ASIC2: variants seen among roughly 807,000 people sequenced by gnomAD.
The protein encoded by ASIC2 is acid sensing ion channel subunit 2, also known as acid-sensing ion channel 2.
A neutral mutation model predicts 57.3 loss-of-function variants in ASIC2; 25 were observed. That is an observed-to-expected ratio of 0.44 (90% confidence interval 0.32 to 0.61). The LOEUF (loss-of-function observed/expected upper bound fraction) is 0.61, where lower values mean the gene tolerates loss of function less well. Ranked by LOEUF, ASIC2 falls within the 20% of genes least tolerant of loss-of-function variation. ASIC2 has a pLI of 0.06. For missense variants in ASIC2, 641 were observed against 738.1 expected (o/e 0.87, Z 1.52); for synonymous variants, 319 against 307.5 (o/e 1.04, Z -0.39).
chr17:33,305,034 C>G (rs1906112187), intron 1 of ASIC2, among the ~76,000 whole-genome samples: 2 of 152,074 alleles, frequency 1.3e-5, no homozygotes, highest in Admixed American at 1.3e-4. Flanking sequence ...AAGAAAAATA[C>G]CCTTTGAGGA....
At chr17:33,203,526 C>T (rs1456174373) in intron 1 of ASIC2, among the ~76,000 whole-genome samples, 1 of 152,188 alleles carries the variant, frequency 6.6e-6, no homozygotes, top group African/African-American at 2.4e-5. Context: ...CACTTCTGTC[C>T]TCTTGAAGCG....
At chr17:33,522,231 C>T (rs1914764933) in intron 1 of ASIC2, among the ~76,000 whole-genome samples, 1 of 152,248 alleles carries the variant, frequency 6.6e-6, no homozygotes, top group Admixed American at 6.5e-5. Context: ...ACCTCCAGTC[C>T]TATCTGCTCC....
At chr17:33,456,353 C>T (rs569564940) in intron 1 of ASIC2, among the ~76,000 whole-genome samples, 1 of 152,190 alleles carries the variant, frequency 6.6e-6, no homozygotes, top group African/African-American at 2.4e-5. Flanking sequence ...TCTTCCCTCC[C>T]CACTTCCTCC....
intron 1 of ASIC2, among the ~76,000 whole-genome samples, chr17:33,331,227 C>T (rs1907300480): frequency 6.6e-6 from 1 of 152,186 alleles, no homozygotes; most frequent in African/African-American, 2.4e-5. Flanking sequence ...ACCCTGCCAA[C>T]CCAGTTCATG....
At chr17:33,135,851 C>T (rs2092365029) in intron 1 of ASIC2, among the ~76,000 whole-genome samples, 1 of 152,224 alleles carries the variant, frequency 6.6e-6, no homozygotes. Flanking sequence ...CTCATTTATG[C>T]CTTAAGCTCC....
intron 1 of ASIC2, among the ~76,000 whole-genome samples, chr17:33,548,460 T>C (rs1915647586): frequency 6.6e-6 from 1 of 152,126 alleles, no homozygotes; most frequent in Non-Finnish European, 1.5e-5. Flanking sequence ...GACAAAGTGC[T>C]TCACTCTGCA....
At chr17:33,513,543 G>A (rs2141950672) in intron 1 of ASIC2, among the ~76,000 whole-genome samples, 1 of 152,368 alleles carries the variant, frequency 6.6e-6, no homozygotes, top group South Asian at 2.1e-4. Context: ...ATGAAGAGGA[G>A]TTGGCTCCAA....
At chr17:33,088,508 A>G (rs371276089) in intron 3 of ASIC2, among the ~76,000 whole-genome samples, 16 of 152,282 alleles carry the variant, frequency 1.1e-4, no homozygotes, top group African/African-American at 3.9e-4. Flanking sequence ...GTATTAACGC[A>G]AGTGATGAAA....
intron 1 of ASIC2, among the ~76,000 whole-genome samples, chr17:34,028,023 A>C (rs1023077445): frequency 6.6e-6 from 1 of 152,220 alleles, no homozygotes; most frequent in Non-Finnish European, 1.5e-5. Context: ...CATATTCCAC[A>C]TATATGAGGA....
At chr17:33,299,344 A>C (rs932578209) in intron 1 of ASIC2, among the ~76,000 whole-genome samples, 12 of 152,218 alleles carry the variant, frequency 7.9e-5, no homozygotes, top group African/African-American at 2.9e-4. Flanking sequence ...CATCTAAGCA[A>C]ATGTCCAGGA....
At chr17:34,100,931 G>A (rs1910842221) in intron 1 of ASIC2, among the ~76,000 whole-genome samples, 1 of 152,152 alleles carries the variant, frequency 6.6e-6, no homozygotes, top group Non-Finnish European at 1.5e-5. Context: ...CACTCATTGT[G>A]TGATGTTGAA....
chr17:33,443,628 G>A (rs1332216942), intron 1 of ASIC2, among the ~76,000 whole-genome samples: 1 of 150,726 alleles, frequency 6.6e-6, no homozygotes, highest in Non-Finnish European at 1.5e-5. Flanking sequence ...GTTTTAGCCG[G>A]GATGGTCTCG....
chr17:33,585,119 A>T (rs1904578058), intron 1 of ASIC2, among the ~76,000 whole-genome samples: 1 of 152,136 alleles, frequency 6.6e-6, no homozygotes, highest in Non-Finnish European at 1.5e-5. Flanking sequence ...AATCTAATTT[A>T]GTTGGGGTGG....
rs901106327 is a variant in ASIC2 at position 33,517,465 on chromosome 17, G to T, written c.556-405398C>A. ...ACACCTTAGCAATTTATAACAAATGGTTTCTGTGGGTCAGGAGTTGGGAGT... is the reference window on the plus strand; with the variant it reads ...ACACCTTAGCAATTTATAACAAATGTTTTCTGTGGGTCAGGAGTTGGGAGT... On this transcript the variant is annotated intron_variant, in intron 1 of 9. Coordinates refer to the ASIC2 transcript ENST00000359872. Among the ~76,000 whole-genome samples, 22 of 152,300 alleles carry T rather than the reference G, an allele frequency of 1.4e-4. No individual in the cohort carries two copies. The Middle Eastern group carries it at 0.01, about 71-fold the overall frequency.
chr17:33,135,286 C>T (rs968789338), intron 1 of ASIC2, among the ~76,000 whole-genome samples: 1 of 152,168 alleles, frequency 6.6e-6, no homozygotes, highest in Non-Finnish European at 1.5e-5. Flanking sequence ...CTGGAATACC[C>T]TTTCCAGGAA....
intron 1 of ASIC2, among the ~76,000 whole-genome samples, chr17:33,288,057 A>G (rs1905265248): frequency 6.6e-6 from 1 of 152,172 alleles, no homozygotes; most frequent in South Asian, 2.1e-4. Context: ...ACTACTTGTC[A>G]AGCTGTCTGT....
At chr17:33,055,050 T>G (rs894850386) in intron 3 of ASIC2, among the ~76,000 whole-genome samples, 4 of 152,160 alleles carry the variant, frequency 2.6e-5, no homozygotes, top group Non-Finnish European at 5.9e-5. Context: ...TTTCCCAGGG[T>G]TGACATTGGG....
intron 1 of ASIC2, among the ~76,000 whole-genome samples, chr17:33,930,215 G>T (rs1915903223): frequency 6.6e-6 from 1 of 152,210 alleles, no homozygotes. Context: ...ATCACTTACG[G>T]GTTTCCCCTG....
Position 33,662,606 on chromosome 17 carries a change from A to C in ASIC2, c.555+493372T>G, listed in dbSNP as rs369975631. ...CCACTGTACTCCAGCCTGGGTGACAAAGCAAGACTCTGTCTCAAAAATAAA... is the reference window on the plus strand; with the variant it reads ...CCACTGTACTCCAGCCTGGGTGACACAGCAAGACTCTGTCTCAAAAATAAA... On this transcript the variant is annotated intron_variant, in intron 1 of 9. Coordinates refer to the ASIC2 transcript ENST00000359872. Among the ~76,000 whole-genome samples, 249 of 150,858 alleles carry C rather than the reference A, an allele frequency of 1.7e-3. 1 individual carries two copies. The highest frequency in any genetic ancestry group is 3.4e-3 in the Middle Eastern group (1 of 294).
Sources: allele counts gnomAD v4.1 joint callset (sites outside exome capture counted in the v4.1 genomes callset), GRCh38; gene constraint gnomAD v4.1.1; transcripts MANE v1.5; gene names NCBI Gene and HGNC (gene_info 2026-07-23, HGNC 2026-07-21).